Variants in CELF2 observed in about 807,000 individuals in gnomAD.
CELF2 encodes CUG triplet repeat RNA-binding protein 2.
CELF2 carries 8 observed loss-of-function variants against 62.6 expected under a neutral mutation model. The observed-to-expected ratio is 0.13, with a 90% confidence interval of 0.07 to 0.23. The LOEUF (loss-of-function observed/expected upper bound fraction) is 0.23, where lower values mean the gene tolerates loss of function less well. Ranked by LOEUF, CELF2 falls within the 10% of genes least tolerant of loss-of-function variation. The pLI is 1.00. For synonymous variants in CELF2, 258 were observed against 250.0 expected (o/e 1.03, Z -0.30); for missense variants, 333 against 671.0 (o/e 0.50, Z 5.56).
chr10:10,506,863 C>A, the CELF2 span, among the ~76,000 whole-genome samples: 1 of 151,606 alleles, frequency 6.6e-6, no homozygotes, highest in South Asian at 2.1e-4. Flanking sequence ...CGGGGATTCC[C>A]CATGTTGGCC....
chr10:11,073,232 C>A (rs1375851858), intron 1 of CELF2, among the ~76,000 whole-genome samples: 2 of 152,190 alleles, frequency 1.3e-5, no homozygotes, highest in Non-Finnish European at 1.5e-5. Flanking sequence ...AAGAAACTAT[C>A]CCTTAAGCTT....
In CELF2 at chr10:11,285,211, C is replaced by T. The variant is rs1269299067; in HGVS notation, c.842-3207C>T. On this transcript the variant is annotated intron_variant, in intron 8 of 12. Coordinates refer to ENST00000633077, the MANE Select transcript of CELF2 (RefSeq NM_001326342.2). The surrounding 1 kb of genome is among the most constrained non-coding windows in gnomAD (Gnocchi z 4.3). ...CGCCTCCTTGATTGGTTCTGACTAA[C>T]TCTTCTTCTCTCCTTTTGTCCTCAC... Among the ~76,000 whole-genome samples, 2 of 151,992 alleles carry T rather than the reference C, an allele frequency of 1.3e-5. No individual in the cohort carries two copies. The highest frequency in any genetic ancestry group is 2.9e-5 in the Non-Finnish European group (2 of 67,976).
chr10:10,596,174 G>A, the CELF2 span, among the ~76,000 whole-genome samples: 2 of 151,704 alleles, frequency 1.3e-5, no homozygotes, highest in African/African-American at 4.8e-5. Flanking sequence ...TTTTTGTGTA[G>A]TGGGTACTGA....
chr10:10,703,488 G>A, the CELF2 span, among the ~76,000 whole-genome samples: 1 of 152,158 alleles, frequency 6.6e-6, no homozygotes. Flanking sequence ...CTCTACGAAG[G>A]ATACAGAATA....
intron 8 of CELF2, among the ~76,000 whole-genome samples, chr10:11,277,379 T>C (rs2086545471): frequency 6.6e-6 from 1 of 152,088 alleles, no homozygotes; most frequent in African/African-American, 2.4e-5. Context: ...GAGGGGCGCC[T>C]CTCTCCCGAA....
chr10:11,047,445 A>G (rs1436225346), intron 1 of CELF2, among the ~76,000 whole-genome samples: 5 of 152,166 alleles, frequency 3.3e-5, no homozygotes, highest in African/African-American at 1.2e-4. Flanking sequence ...GATCTTTAAT[A>G]TGGCTGTTGT....
chr10:11,139,402 T>A (rs2060938474), intron 1 of CELF2, among the ~76,000 whole-genome samples: 1 of 152,228 alleles, frequency 6.6e-6, no homozygotes, highest in Non-Finnish European at 1.5e-5. Context: ...AGAAATTCTG[T>A]TAAAATTCAG....
chr10:11,288,221 T>C (rs11257049), intron 8 of CELF2, among the ~76,000 whole-genome samples, 197 bp from the exon 9 acceptor site: 91,031 of 152,164 alleles, frequency 0.6, 29,184 homozygotes, highest in Non-Finnish European at 0.73. Flanking sequence ...GGAAGAGCAA[T>C]TGCATCAGAG....
chr10:11,055,476 A>C lies in CELF2; in HGVS notation c.74+37313A>C, dbSNP rs547202270. Among the ~76,000 whole-genome samples the C allele has an allele frequency of 2.0e-5, 3 of 152,378 alleles. No individual in the cohort carries two copies. The South Asian group carries it at 6.2e-4, about 32-fold the overall frequency. On this transcript the variant is annotated intron_variant, in intron 1 of 12. Transcript: ENST00000633077. ...GGGAATAGTTTTAATGTGGAGACAC[A>C]GGTGCCATAGGCACTCTCAGGTGCA...
At chr10:10,688,413 T>C in the CELF2 span, among the ~76,000 whole-genome samples, 1 of 152,198 alleles carries the variant, frequency 6.6e-6, no homozygotes, top group African/African-American at 2.4e-5. Flanking sequence ...TTATAACCAC[T>C]GCCTTCCAGT....
At chr10:10,558,347 G>C in the CELF2 span, among the ~76,000 whole-genome samples, 1 of 151,224 alleles carries the variant, frequency 6.6e-6, no homozygotes, top group African/African-American at 2.4e-5. Context: ...TTATTGATTT[G>C]CGTATATTGA....
At chr10:11,128,702 G>A (rs933069838) in intron 1 of CELF2, among the ~76,000 whole-genome samples, 2 of 152,210 alleles carry the variant, frequency 1.3e-5, no homozygotes, top group Non-Finnish European at 2.9e-5. Flanking sequence ...GTATAGGAAT[G>A]CTTGTGATTT....
intron 2 of CELF2, among the ~76,000 whole-genome samples, chr10:11,196,720 G>T (rs902927597): frequency 6.6e-6 from 1 of 151,814 alleles, no homozygotes; most frequent in African/African-American, 2.4e-5. Flanking sequence ...CACTTTGGGA[G>T]GCCAAGGCAG....
intron 2 of CELF2, among the ~76,000 whole-genome samples, chr10:11,184,189 C>CA (rs2074242808): frequency 6.6e-6 from 1 of 152,164 alleles, no homozygotes; most frequent in African/African-American, 2.4e-5. Flanking sequence ...GTATATGTGT[C>CA]AAAAATCAGT....
intron 2 of CELF2, among the ~76,000 whole-genome samples, chr10:11,185,279 A>G (rs757348649): frequency 1.1e-4 from 17 of 151,970 alleles, no homozygotes; most frequent in Non-Finnish European, 2.2e-4. Flanking sequence ...GGCTCAAGTG[A>G]TCCTCTTGTC....
In CELF2 at chr10:11,321,420, G is replaced by A. The variant is rs1481383839; in HGVS notation, c.1294+34G>A. ...CGCCCTTGGCCCCAGGCAGGGCCCA[G>A]CCCAACAGGCAGCACTGGCCTCTAG... On this transcript the variant is annotated intron_variant, in intron 11 of 12. Transcript: ENST00000633077. The surrounding 1 kb of genome is among the most constrained non-coding windows in gnomAD (Gnocchi z 6.2). 1 of 1,576,352 alleles carries A rather than the reference G, an allele frequency of 6.3e-7. No individual in the cohort carries two copies. Among genetic ancestry groups the A allele is most frequent in the Admixed American group, 1.7e-5 (1 of 59,284 alleles).
intron 1 of CELF2, among the ~76,000 whole-genome samples, chr10:11,055,499 G>A (rs747623722): frequency 8.5e-5 from 13 of 152,230 alleles, no homozygotes; most frequent in Non-Finnish European, 1.8e-4. Context: ...ACTCTCAGGT[G>A]CATTTCTCCT....
At chr10:10,728,316 G>A in the CELF2 span, among the ~76,000 whole-genome samples, 1 of 151,412 alleles carries the variant, frequency 6.6e-6, no homozygotes, top group Non-Finnish European at 1.5e-5. Flanking sequence ...AGCCAGGCGT[G>A]GTGGTGTGCG....
intron 1 of CELF2, among the ~76,000 whole-genome samples, chr10:10,854,971 A>G (rs887258646): frequency 1.3e-5 from 2 of 151,986 alleles, no homozygotes; most frequent in Admixed American, 1.3e-4. Flanking sequence ...TTCCAACACG[A>G]TGAGGGTGTA....
Sources: gnomAD v4.1 joint callset for allele counts (sites outside exome capture counted in the v4.1 genomes callset) on GRCh38, gnomAD v4.1.1 for gene constraint, Gnocchi (gnomAD v3.1) non-coding constraint, MANE v1.5 for transcripts, NCBI Gene and HGNC (gene_info 2026-07-23, HGNC 2026-07-21) for gene names.